Variants in SH3D19 observed in about 807,000 individuals in gnomAD.
SH3D19 encodes SH3 domain containing 19.
A neutral mutation model predicts 112.1 loss-of-function variants in SH3D19; 58 were observed. The ratio of observed to expected loss-of-function variants is 0.52; its 90% confidence interval spans 0.42 to 0.64. The LOEUF (loss-of-function observed/expected upper bound fraction) is 0.64, where lower values mean the gene tolerates loss of function less well. Ranked by LOEUF, SH3D19 falls within the 30% of genes least tolerant of loss-of-function variation. The probability of loss-of-function intolerance (pLI) is 0.00; values close to 1 mark genes in which losing one functional copy is unlikely to be tolerated. For synonymous variants in SH3D19, 391 were observed against 448.5 expected (o/e 0.87, Z 1.62); for missense variants, 1,090 against 1,263.4 (o/e 0.86, Z 2.08).
At chr4:151,180,391 A>G (rs1023556544) in intron 3 of SH3D19, among the ~76,000 whole-genome samples, 1 of 148,438 alleles carries the variant, frequency 6.7e-6, no homozygotes, top group African/African-American at 2.4e-5. Flanking sequence ...AACATATCAC[A>G]TATGGGGTCA....
At position 151,125,845 on chromosome 4, in the gene SH3D19, C is replaced by CAAAAA. The variant is rs66688611; in HGVS notation, c.3027+1768_3027+1772dup. On this transcript the variant is annotated intron_variant, in intron 19 of 19. Coordinates refer to ENST00000604030, the MANE Select transcript of SH3D19 (RefSeq NM_001378122.1). ...ACAGAGCGAGACTCCATCTCAAAAA[C>CAAAAA]AAAAAAAAAAAAAAAAAAAAAGAAA... Among the ~76,000 whole-genome samples the CAAAAA allele has an allele frequency of 9.1e-3, 857 of 94,262 alleles. 3 individuals are homozygous for CAAAAA. The highest frequency in any genetic ancestry group is 0.014 in the African/African-American group (366 of 26,542). The allele number at this position is 94,262 out of a possible 152,430, so 61.8% of individuals were successfully genotyped here.
At chr4:151,318,176 C>G (rs895501262) in intron 1 of SH3D19, among the ~76,000 whole-genome samples, 5 of 149,474 alleles carry the variant, frequency 3.3e-5, no homozygotes, top group African/African-American at 1.2e-4. Flanking sequence ...TGGCACGTGC[C>G]TGTAGTCCTA....
At chr4:151,145,737 AGGCTACGATT>A (rs1181099956) in intron 11 of SH3D19, among the ~76,000 whole-genome samples, 2 of 152,222 alleles carry the variant, frequency 1.3e-5, no homozygotes, top group Non-Finnish European at 2.9e-5. Flanking sequence ...AATCAAGTAG[AGGCTACGATT>A]GGCGTAATGG....
At chr4:151,289,918 TAAAC>T (rs1253362960) in intron 1 of SH3D19, among the ~76,000 whole-genome samples, 1 of 152,096 alleles carries the variant, frequency 6.6e-6, no homozygotes, top group Non-Finnish European at 1.5e-5. Context: ...CATCTCTAAA[TAAAC>T]AAAGAAAAAA....
chr4:151,178,312 T>C (rs539711800), intron 4 of SH3D19, among the ~76,000 whole-genome samples: 1 of 152,310 alleles, frequency 6.6e-6, no homozygotes, highest in East Asian at 1.9e-4. Context: ...GGAACATACA[T>C]GGATGATAAT....
chr4:151,277,422 C>T (rs1003835432), intron 1 of SH3D19, among the ~76,000 whole-genome samples: 9 of 152,138 alleles, frequency 5.9e-5, no homozygotes, highest in African/African-American at 1.9e-4. Context: ...CACACACCCA[C>T]AAGATCCCTA....
intron 1 of SH3D19, among the ~76,000 whole-genome samples, chr4:151,310,210 CA>C (rs1207145608): frequency 0.011 from 1,084 of 100,302 alleles, 8 homozygotes; most frequent in Middle Eastern, 0.033. Context: ...TCTGTCTTTA[CA>C]AAAAAAAAAA....
chr4:151,198,442 T>C (rs1763893055), intron 2 of SH3D19, among the ~76,000 whole-genome samples: 1 of 140,390 alleles, frequency 7.1e-6, no homozygotes, highest in Admixed American at 7.3e-5. Flanking sequence ...ATAAAATATA[T>C]ATAAAAATAT....
chr4:151,320,568 C>T (rs866136559), intron 1 of SH3D19, among the ~76,000 whole-genome samples: 8 of 151,974 alleles, frequency 5.3e-5, no homozygotes, highest in South Asian at 2.1e-4. Flanking sequence ...ATTTCCACAT[C>T]GAAAGAAACC....
At chr4:151,139,751 C>T (rs762020944) in intron 13 of SH3D19, 24 bp downstream of exon 13, 2 of 1,607,566 alleles carry the variant, frequency 1.2e-6, no homozygotes, top group South Asian at 2.2e-5. Context: ...TGTGGTTCTC[C>T]CACTGCATTA....
chr4:151,217,490 G>C (rs1046715871), intron 2 of SH3D19, among the ~76,000 whole-genome samples: 1 of 152,150 alleles, frequency 6.6e-6, no homozygotes, highest in African/African-American at 2.4e-5. Flanking sequence ...GTCTCTCCCT[G>C]TGCTGGGTGA....
intron 3 of SH3D19, among the ~76,000 whole-genome samples, chr4:151,186,029 G>A (rs1028049623): frequency 2.0e-5 from 3 of 152,058 alleles, no homozygotes; most frequent in Non-Finnish European, 4.4e-5. Context: ...GACAGTGAGA[G>A]ACCATGTATC....
At chr4:151,167,957 G>T (rs746984835) in intron 7 of SH3D19, among the ~76,000 whole-genome samples, 1 of 152,234 alleles carries the variant, frequency 6.6e-6, no homozygotes, top group African/African-American at 2.4e-5. Flanking sequence ...TGACAGCCTT[G>T]TGTGTGATCT....
intron 10 of SH3D19, among the ~76,000 whole-genome samples, chr4:151,149,036 C>CA (rs561564315): frequency 2.6e-4 from 38 of 146,918 alleles, no homozygotes; most frequent in East Asian, 7.9e-4. Context: ...GACTCCATCT[C>CA]AAAAAAAAAA....
intron 2 of SH3D19, among the ~76,000 whole-genome samples, chr4:151,212,626 T>G (rs1240764850): frequency 6.6e-6 from 1 of 152,206 alleles, no homozygotes; most frequent in African/African-American, 2.4e-5. Flanking sequence ...ATATTACTGC[T>G]CATTGACAAT....
At chr4:151,163,891 G>T (rs1015846039) in intron 8 of SH3D19, among the ~76,000 whole-genome samples, 3 of 152,038 alleles carry the variant, frequency 2.0e-5, no homozygotes, top group East Asian at 1.9e-4. Context: ...CCTACCACTG[G>T]TTTTTAAATC....
chr4:151,277,436 T>G (rs1327816712), intron 1 of SH3D19, among the ~76,000 whole-genome samples: 1 of 152,090 alleles, frequency 6.6e-6, no homozygotes, highest in Non-Finnish European at 1.5e-5. Context: ...ATCCCTATCT[T>G]CGTGGGACTT....
At chr4:151,206,864 A>G (rs564540699) in intron 2 of SH3D19, among the ~76,000 whole-genome samples, 137 of 152,250 alleles carry the variant, frequency 9.0e-4, no homozygotes, top group African/African-American at 3.1e-3. Context: ...TTGGGACTAC[A>G]TCACCTCCGC....
chr4:151,323,488 C>T (rs1202709622), intron 1 of SH3D19, among the ~76,000 whole-genome samples: 1 of 152,144 alleles, frequency 6.6e-6, no homozygotes, highest in African/African-American at 2.4e-5. Flanking sequence ...TGGAGCTCAG[C>T]TTGTAAAGAA....
Sources: gnomAD v4.1 joint callset for allele counts (sites outside exome capture counted in the v4.1 genomes callset) on GRCh38, gnomAD v4.1.1 for gene constraint, MANE v1.5 for transcripts, NCBI Gene and HGNC (gene_info 2026-07-23, HGNC 2026-07-21) for gene names.